The following ARID2 variants were observed in gnomAD, a reference collection of about 807,000 sequenced individuals.
The protein encoded by ARID2 is AT-rich interaction domain 2, also known as AT-rich interactive domain-containing protein 2.
A neutral mutation model predicts 184.6 loss-of-function variants in ARID2; 32 were observed. That is an observed-to-expected ratio of 0.17 (90% CI 0.13 to 0.23). The LOEUF is 0.23. Among genes scored for constraint, ARID2 ranks in the 10% least tolerant of loss-of-function variants. The pLI is 1.00. For synonymous variants in ARID2, 836 were observed against 772.6 expected (o/e 1.08, Z -1.36); for missense variants, 1,696 against 2,197.6 (o/e 0.77, Z 4.56).
intron 18 of ARID2, 102 bp from the exon 19 acceptor site, chr12:45,893,318 T>G: frequency 2.2e-6 from 3 of 1,373,180 alleles, no homozygotes; most frequent in Non-Finnish European, 2.9e-6. Context: ...AACACGATTT[T>G]AAAATAACCA....
intron 20 of ARID2, among the ~76,000 whole-genome samples, chr12:45,899,629 T>A (rs1476738707): frequency 8.3e-6 from 1 of 120,558 alleles, no homozygotes; most frequent in Non-Finnish European, 1.9e-5. Flanking sequence ...ATGTATATAT[T>A]TGGTTATATA....
At chr12:45,736,089 G>A (rs937298271) in intron 3 of ARID2, among the ~76,000 whole-genome samples, 6 of 152,184 alleles carry the variant, frequency 3.9e-5, no homozygotes, top group Non-Finnish European at 5.9e-5. Flanking sequence ...GGGCGTGGTG[G>A]CTCACGCCCT....
chr12:45,811,657 A>G, intron 4 of ARID2, 106 bp downstream of exon 4: 7 of 1,187,178 alleles, frequency 5.9e-6, no homozygotes, highest in Non-Finnish European at 5.7e-6. Flanking sequence ...AGAACACTTA[A>G]GGCCTTAAGG....
At position 45,860,824 on chromosome 12, in the gene ARID2, A is replaced by G. The variant is rs1214287801; in HGVS notation, c.4797A>G (p.Pro1599=). 1.0e-5 allele frequency: 16 copies of G among 1,595,192 alleles called. No individual in the cohort carries two copies. The highest frequency in any genetic ancestry group is 1.4e-5 in the Non-Finnish European group (16 of 1,170,810). The change falls in exon 16 of 21, where the codon CCA becomes CCG. Residue 1599 remains proline (P), a synonymous_variant. Transcript: ENST00000334344. ...AGAACACTCCTATGCCACCTTCACC[A>G]GCTGTACAAGTGCAGGGCCAGCCTA... ...VPQNTPMPPS[P]AVQVQGQPNS... is the part of the protein sequence containing the mutation.
intron 6 of ARID2, among the ~76,000 whole-genome samples, chr12:45,827,105 A>T (rs775453915): frequency 7.9e-5 from 12 of 151,966 alleles, no homozygotes; most frequent in Non-Finnish European, 1.3e-4. Flanking sequence ...CAAGTATAAA[A>T]AACGTTTTTT....
intron 3 of ARID2, among the ~76,000 whole-genome samples, chr12:45,769,569 G>A (rs1023322985): frequency 2.6e-5 from 4 of 152,186 alleles, no homozygotes; most frequent in East Asian, 1.9e-4. Context: ...GTGTACCAAC[G>A]TACACATAAT....
At chr12:45,893,265 A>G (rs997512263) in intron 18 of ARID2, among the ~76,000 whole-genome samples, 155 bp from the exon 19 acceptor site, 1 of 152,238 alleles carries the variant, frequency 6.6e-6, no homozygotes, top group East Asian at 1.9e-4. Flanking sequence ...GTCACAGAGC[A>G]TAAACGTTAA....
chr12:45,853,922 G>A (rs745489939), intron 15 of ARID2, among the ~76,000 whole-genome samples: 2 of 152,208 alleles, frequency 1.3e-5, no homozygotes, highest in East Asian at 1.9e-4. Context: ...GTACCAGTCC[G>A]TGGCCCTTTA....
chr12:45,814,533 C>T (rs1942770797), intron 4 of ARID2, among the ~76,000 whole-genome samples: 1 of 151,964 alleles, frequency 6.6e-6, no homozygotes, highest in Non-Finnish European at 1.5e-5. Flanking sequence ...GCCTGTAATC[C>T]CAGCTACTCA....
At chr12:45,744,949 T>C (rs1435282340) in intron 3 of ARID2, among the ~76,000 whole-genome samples, 1 of 152,180 alleles carries the variant, frequency 6.6e-6, no homozygotes, top group Non-Finnish European at 1.5e-5. Context: ...TTTGGCCCCC[T>C]CTTTATAAAC....
chr12:45,744,467 A>C (rs531287612), intron 3 of ARID2, among the ~76,000 whole-genome samples: 1 of 152,232 alleles, frequency 6.6e-6, no homozygotes, highest in South Asian at 2.1e-4. Context: ...CCATTTTTGC[A>C]CCTTATATTT....
At chr12:45,828,137 A>G (rs906299555) in intron 6 of ARID2, among the ~76,000 whole-genome samples, 2 of 152,084 alleles carry the variant, frequency 1.3e-5, no homozygotes, top group Admixed American at 1.3e-4. Flanking sequence ...GAATTAGAAC[A>G]TTATCAACAC....
In ARID2 at chr12:45,905,959, T is replaced by C. The variant is rs181529233; in HGVS notation, c.*881T>C. ...TTTTTTCTTTTTTTTTTTCTTTTTT[T>C]TTTTGTATTATACACCTTGTAGAAC... On this transcript the variant is annotated 3_prime_UTR_variant, in exon 21 of 21. Coordinates refer to ENST00000334344, the MANE Select transcript of ARID2 (RefSeq NM_152641.4). 7 of 231,760 alleles carry C rather than the reference T, an allele frequency of 3.0e-5. No homozygotes were observed. Among genetic ancestry groups the C allele is most frequent in the African/African-American group, 1.5e-4 (7 of 45,206 alleles). 14.4% of individuals were successfully genotyped at this position (231,760 alleles called of 1,614,324 possible).
chr12:45,739,335 A>T (rs1941200302), intron 3 of ARID2, among the ~76,000 whole-genome samples: 1 of 151,368 alleles, frequency 6.6e-6, no homozygotes, highest in Non-Finnish European at 1.5e-5. Flanking sequence ...GTTGCTATTC[A>T]TCTTATGCAG....
intron 16 of ARID2, among the ~76,000 whole-genome samples, chr12:45,872,002 T>C (rs1191060865): frequency 1.3e-5 from 2 of 152,180 alleles, no homozygotes; most frequent in Non-Finnish European, 2.9e-5. Context: ...CTTCTGTTAT[T>C]TTTTCTTGGT....
intron 3 of ARID2, among the ~76,000 whole-genome samples, chr12:45,762,490 C>G (rs1941701302): frequency 6.6e-6 from 1 of 152,178 alleles, no homozygotes; most frequent in African/African-American, 2.4e-5. Flanking sequence ...GAAAATTCAG[C>G]CTAGTAAAAA....
At chr12:45,751,950 T>C (rs933385181) in intron 3 of ARID2, among the ~76,000 whole-genome samples, 12 of 152,214 alleles carry the variant, frequency 7.9e-5, no homozygotes, top group African/African-American at 2.9e-4. Context: ...CCAAGGTTCA[T>C]AGCTCTTGAG....
intron 20 of ARID2, among the ~76,000 whole-genome samples, chr12:45,902,457 TTTTC>T (rs1466319802): frequency 6.6e-6 from 1 of 152,154 alleles, no homozygotes; most frequent in Non-Finnish European, 1.5e-5. Flanking sequence ...CTAAAGTCTT[TTTTC>T]TTTCTTTGTT....
chr12:45,836,789 G>A lies in ARID2; in HGVS notation c.821G>A (p.Arg274Gln), dbSNP rs1170640220. 6 of 1,613,900 alleles carry A rather than the reference G, an allele frequency of 3.7e-6. No homozygotes were observed. The African/African-American group carries it at 4.0e-5, about 11-fold the overall frequency. ...WIWESLFHPP[R>Q]KLGINDIEGQ... ...TGGGAGTCTTTATTTCATCCACCTC[G>A]AAAGCTGGGCATTAACGATATTGAA... Residue 274 changes from arginine (R) to glutamine (Q), a missense_variant, in exon 8 of 21, where the codon CGA becomes CAA. Around this residue, in one of 11 missense-constraint regions of ARID2, gnomAD observed 148 missense variants for 285.4 expected, o/e 0.52. Transcript: ENST00000334344.
Sources: gnomAD v4.1 joint callset for allele counts (sites outside exome capture counted in the v4.1 genomes callset) on GRCh38, gnomAD v4.1.1 for gene constraint, gnomAD v4.1.1 regional missense constraint, MANE v1.5 for transcripts, NCBI Gene and HGNC (gene_info 2026-07-23, HGNC 2026-07-21) for gene names.